Variants in FSHR observed in about 807,000 individuals in gnomAD.
FSHR encodes follicle stimulating hormone receptor.
Under a neutral mutation model 52.1 loss-of-function variants are expected in FSHR, and 46 were observed. That is an observed-to-expected ratio of 0.88 (90% CI 0.70 to 1.13). The LOEUF (loss-of-function observed/expected upper bound fraction) is 1.13. Ranked by LOEUF, FSHR falls within the 50% of genes most tolerant of loss-of-function variation. The pLI is 0.00. For synonymous variants in FSHR, 399 were observed against 309.6 expected (o/e 1.29, Z -3.03); for missense variants, 964 against 834.6 (o/e 1.16, Z -1.91).
chr2:49,048,838 T>G (rs966207174), intron 2 of FSHR, among the ~76,000 whole-genome samples: 1 of 152,076 alleles, frequency 6.6e-6, no homozygotes, highest in African/African-American at 2.4e-5. Flanking sequence ...CAGGGGAGGT[T>G]TATGAAGTGT....
At chr2:48,979,968 C>T (rs1172460241) in intron 8 of FSHR, among the ~76,000 whole-genome samples, 1 of 152,164 alleles carries the variant, frequency 6.6e-6, no homozygotes. Context: ...CTACTGCACA[C>T]CTACACAAGC....
At chr2:49,105,961 C>T (rs1340009184) in intron 1 of FSHR, among the ~76,000 whole-genome samples, 1 of 152,178 alleles carries the variant, frequency 6.6e-6, no homozygotes, top group Non-Finnish European at 1.5e-5. Flanking sequence ...ACTGGGCAGT[C>T]ATAAGAAAAT....
intron 9 of FSHR, among the ~76,000 whole-genome samples, chr2:48,965,720 G>T (rs1045063763): frequency 1.3e-5 from 2 of 152,148 alleles, no homozygotes; most frequent in African/African-American, 4.8e-5. Context: ...GGTTCTTATT[G>T]TTGATACTGC....
intron 1 of FSHR, among the ~76,000 whole-genome samples, chr2:49,068,638 A>G (rs889034090): frequency 6.6e-6 from 1 of 151,822 alleles, no homozygotes; most frequent in African/African-American, 2.4e-5. Context: ...CTCTACTCCA[A>G]CCCCCATTAC....
At chr2:49,118,888 T>C (rs1205566367) in intron 1 of FSHR, among the ~76,000 whole-genome samples, 3 of 152,246 alleles carry the variant, frequency 2.0e-5, no homozygotes, top group African/African-American at 7.2e-5. Flanking sequence ...AACCTTTGCA[T>C]GGGATCCTCT....
At chr2:49,060,592 T>C (rs1669250941) in intron 2 of FSHR, among the ~76,000 whole-genome samples, 1 of 152,150 alleles carries the variant, frequency 6.6e-6, no homozygotes, top group Non-Finnish European at 1.5e-5. Context: ...ACATTGCCCC[T>C]GGGAAGTCAA....
Position 49,029,615 on chromosome 2 carries a change from G to T in FSHR, c.225-9455C>A, listed in dbSNP as rs72877826. On this transcript the variant is annotated intron_variant, in intron 2 of 9. Coordinates refer to ENST00000406846, the MANE Select transcript of FSHR (RefSeq NM_000145.4). ...TTTTATACTCAATCCTTTGTAGTTG[G>T]CTGGGCTGTTGAAGATCACATGAAT... 2.8e-3 allele frequency among the ~76,000 whole-genome samples: 419 copies of T among 152,286 alleles called. 2 individuals carry two copies. The highest frequency in any genetic ancestry group is 9.9e-3 in the African/African-American group (410 of 41,554).
In FSHR at chr2:49,061,917, G is replaced by T. The variant is rs558396199; in HGVS notation, c.224+6302C>A. On this transcript the variant is annotated intron_variant, in intron 2 of 9. Coordinates refer to ENST00000406846, the MANE Select transcript of FSHR (RefSeq NM_000145.4). The stretch of plus-strand genomic sequence containing the variant: ...GAGCACTCAGATGCATAAAGCAAAT[G>T]TTATTAATCCTAAAGGAAGAGATAG... Among the ~76,000 whole-genome samples the T allele has an allele frequency of 1.3e-3, 200 of 149,310 alleles. 1 individual carries two copies. The highest frequency in any genetic ancestry group is 1.8e-3 in the Non-Finnish European group (123 of 67,492).
At chr2:49,098,748 A>G (rs539860096) in intron 1 of FSHR, among the ~76,000 whole-genome samples, 2 of 141,646 alleles carry the variant, frequency 1.4e-5, no homozygotes, top group African/African-American at 2.5e-5. Context: ...ACTTATATAT[A>G]TTATTATATA....
chr2:48,986,335 A>G (rs1675513832), intron 6 of FSHR, among the ~76,000 whole-genome samples: 1 of 149,394 alleles, frequency 6.7e-6, no homozygotes, highest in African/African-American at 2.5e-5. Flanking sequence ...GTATTCCCAG[A>G]ATTTTGAAAA....
intron 1 of FSHR, among the ~76,000 whole-genome samples, chr2:49,130,756 CTG>C (rs1441023888): frequency 1.3e-5 from 2 of 152,182 alleles, no homozygotes; most frequent in African/African-American, 2.4e-5. Context: ...CCCAGTTGCT[CTG>C]AAATGTACTT....
intron 1 of FSHR, among the ~76,000 whole-genome samples, chr2:49,106,328 GGA>G (rs1010414108): frequency 1.3e-5 from 2 of 151,954 alleles, no homozygotes; most frequent in African/African-American, 2.4e-5. Context: ...GATGGAGGAA[GGA>G]GAGAGAGAGA....
At chr2:49,072,490 T>C (rs1669774015) in intron 1 of FSHR, among the ~76,000 whole-genome samples, 1 of 151,788 alleles carries the variant, frequency 6.6e-6, no homozygotes. Context: ...AAAAGAAAAA[T>C]AGAATTGTGG....
At chr2:49,011,228 GT>G (rs1167621598) in intron 4 of FSHR, among the ~76,000 whole-genome samples, 1 of 151,294 alleles carries the variant, frequency 6.6e-6, no homozygotes, top group Non-Finnish European at 1.5e-5. Context: ...GGTATGTTGT[GT>G]CTTTGTTCTC....
chr2:48,983,069 G>A lies in FSHR; in HGVS notation c.593+29C>T, dbSNP rs780996962. 39 of 1,611,076 alleles carry A rather than the reference G, an allele frequency of 2.4e-5. No individual in the cohort carries two copies. The Middle Eastern group carries it at 6.6e-4, about 27-fold the overall frequency. On this transcript the variant is annotated intron_variant, in intron 7 of 9. Transcript: ENST00000406846. ...TTGTAAGAGCCATTTCCCTTTAAAT[G>A]GCCTTGAAGAATAGTCAGGGCTACT...
At chr2:48,997,858 GT>G (rs1335749769) in intron 4 of FSHR, among the ~76,000 whole-genome samples, 4 of 152,106 alleles carry the variant, frequency 2.6e-5, no homozygotes, top group Non-Finnish European at 5.9e-5. Context: ...AGGCTGGTCT[GT>G]TACCTTCTAC....
In FSHR at chr2:48,972,442, A is replaced by T. The variant is rs190453349; in HGVS notation, c.669-3559T>A. Among the ~76,000 whole-genome samples the T allele has an allele frequency of 2.5e-3, 386 of 152,156 alleles. 11 individuals are homozygous for T. The highest frequency in any genetic ancestry group is 0.022 in the Admixed American group (337 of 15,280). On this transcript the variant is annotated intron_variant, in intron 8 of 9. Coordinates refer to ENST00000406846, the MANE Select transcript of FSHR (RefSeq NM_000145.4). ...CCCTTGTCTCTTTGATGAATCTTTG[A>T]TCTCTGCTGCTGTCTCTGCCTTCTC...
chr2:49,081,721 G>A (rs1420255925), intron 1 of FSHR, among the ~76,000 whole-genome samples: 1 of 152,108 alleles, frequency 6.6e-6, no homozygotes, highest in Non-Finnish European at 1.5e-5. Flanking sequence ...TAAATGGGGT[G>A]GGTGGAATTT....
chr2:49,118,721 C>T (rs1316073031), intron 1 of FSHR, among the ~76,000 whole-genome samples: 4 of 152,054 alleles, frequency 2.6e-5, no homozygotes, highest in Non-Finnish European at 4.4e-5. Context: ...ATTAACATAC[C>T]CAATCACACA....
Sources: allele counts gnomAD v4.1 joint callset (sites outside exome capture counted in the v4.1 genomes callset), GRCh38; gene constraint gnomAD v4.1.1; transcripts MANE v1.5; gene names NCBI Gene and HGNC (gene_info 2026-07-23, HGNC 2026-07-21).